SRGAP2C: variants seen among roughly 807,000 people sequenced by gnomAD.
The protein encoded by SRGAP2C is SLIT-ROBO Rho GTPase-activating protein 2C.
Under a neutral mutation model 25.1 loss-of-function variants are expected in SRGAP2C, and 15 were observed. The ratio of observed to expected loss-of-function variants is 0.60; its 90% confidence interval spans 0.40 to 0.92. The LOEUF (loss-of-function observed/expected upper bound fraction) is 0.92. Ranked by LOEUF, SRGAP2C falls within the 40% of genes least tolerant of loss-of-function variation. SRGAP2C has a pLI of 0.00. For missense variants in SRGAP2C, 144 were observed against 264.4 expected, an observed-to-expected ratio of 0.54 and a Z score of 3.16; for synonymous variants, 44 against 96.6, an observed-to-expected ratio of 0.46 and a Z score of 3.19.
chr1:121,339,252 C>CT (rs1185472819), intron 4 of SRGAP2C, among the ~76,000 whole-genome samples: 17,966 of 89,594 alleles, frequency 0.2, 2,253 homozygotes, highest in Non-Finnish European at 0.27. Flanking sequence ...GCTATGTTGT[C>CT]TTTTTTTTTT....
At chr1:121,341,407 A>AT in intron 4 of SRGAP2C, among the ~76,000 whole-genome samples, 1 of 103,400 alleles carries the variant, frequency 9.7e-6, no homozygotes, top group South Asian at 3.1e-4. Context: ...AATATATAAT[A>AT]TATCAGATGA....
chr1:121,260,441 G>A (rs1656600282), intron 2 of SRGAP2C, among the ~76,000 whole-genome samples: 1 of 151,918 alleles, frequency 6.6e-6, no homozygotes, highest in Non-Finnish European at 1.5e-5. Context: ...AGGAGATGAG[G>A]TCAGAGAGGA....
intron 2 of SRGAP2C, among the ~76,000 whole-genome samples, chr1:121,190,219 G>A (rs1361766201): frequency 2.6e-5 from 4 of 151,064 alleles, no homozygotes; most frequent in Admixed American, 2.6e-4. Context: ...GTGTTATATG[G>A]GACTCATGGT....
rs1236955428 is a variant in SRGAP2C, at chr1:121,364,324, C to CT, written c.424-961dup. Among the ~76,000 whole-genome samples, 231 of 132,812 alleles carry CT rather than the reference C, an allele frequency of 1.7e-3. 1 individual carries two copies. Among genetic ancestry groups the CT allele is most frequent in the African/African-American group, 4.9e-3 (173 of 35,318 alleles). 87.1% of individuals were successfully genotyped at this position (132,812 alleles called of 152,430 possible). ...CCTTTCTTTCCTTTTCTTTTCTTTT[C>CT]TTTTTTTTGAGACAGAGTCTCACTC... On this transcript the variant is annotated intron_variant, in intron 4 of 9. Transcript: ENST00000367123.
At chr1:121,222,347 G>C (rs1655550513) in intron 2 of SRGAP2C, among the ~76,000 whole-genome samples, 1 of 152,088 alleles carries the variant, frequency 6.6e-6, no homozygotes, top group South Asian at 2.1e-4. Context: ...AAATGGGTTT[G>C]GGTTGGCGCT....
At chr1:121,359,761 C>A (rs1360540782) in intron 4 of SRGAP2C, among the ~76,000 whole-genome samples, 2 of 151,914 alleles carry the variant, frequency 1.3e-5, no homozygotes, top group Non-Finnish European at 2.9e-5. Flanking sequence ...GGCAATAGAG[C>A]AAGACCTTGT....
intron 3 of SRGAP2C, among the ~76,000 whole-genome samples, chr1:121,292,894 TG>T (rs1657518692): frequency 1.3e-5 from 1 of 77,816 alleles, no homozygotes; most frequent in African/African-American, 6.2e-5. Flanking sequence ...GGGGAAATAT[TG>T]GGGGACAATC....
chr1:121,378,552 TCTTTCTTTTTCTTG>T (rs1173450908), intron 7 of SRGAP2C, among the ~76,000 whole-genome samples: 5 of 150,296 alleles, frequency 3.3e-5, no homozygotes, highest in Admixed American at 1.3e-4. Context: ...ATCGGTAGTG[TCTTTCTTTTTCTTG>T]CTGACCTATG....
intron 2 of SRGAP2C, among the ~76,000 whole-genome samples, chr1:121,202,305 G>C (rs1339793790): frequency 6.6e-6 from 1 of 152,126 alleles, no homozygotes; most frequent in African/African-American, 2.4e-5. Flanking sequence ...AGCTACTGGA[G>C]TCTTCTTCTT....
chr1:121,355,305 C>CTTTTT (rs1203362201), intron 4 of SRGAP2C, among the ~76,000 whole-genome samples: 5 of 37,314 alleles, frequency 1.3e-4, no homozygotes, highest in Admixed American at 5.6e-4. Context: ...GATACACATT[C>CTTTTT]TTTTTTTTTT....
At chr1:121,188,175 T>C (rs880002138) in intron 2 of SRGAP2C, among the ~76,000 whole-genome samples, 1 of 152,232 alleles carries the variant, frequency 6.6e-6, no homozygotes, top group Non-Finnish European at 1.5e-5. Flanking sequence ...TTAGGGTAGC[T>C]GGTTGGTGCT....
At chr1:121,368,635 G>T (rs1258987884) in intron 5 of SRGAP2C, among the ~76,000 whole-genome samples, 1 of 150,576 alleles carries the variant, frequency 6.6e-6, no homozygotes, top group African/African-American at 2.5e-5. Context: ...GGTTTTATCA[G>T]GTGGGAAGCT....
chr1:121,218,683 G>T (rs1334365787), intron 2 of SRGAP2C, among the ~76,000 whole-genome samples: 5 of 150,728 alleles, frequency 3.3e-5, no homozygotes, highest in Non-Finnish European at 5.9e-5. Flanking sequence ...GGAGGCGAAG[G>T]TTGCAGTGAG....
intron 2 of SRGAP2C, among the ~76,000 whole-genome samples, chr1:121,271,655 G>A (rs1252072485): frequency 1.0e-5 from 1 of 97,380 alleles, no homozygotes; most frequent in Non-Finnish European, 2.0e-5. Flanking sequence ...GCCACAACCA[G>A]CATTTAAAAA....
At chr1:121,323,924 T>C (rs1658265477) in intron 3 of SRGAP2C, among the ~76,000 whole-genome samples, 1 of 152,132 alleles carries the variant, frequency 6.6e-6, no homozygotes, top group Non-Finnish European at 1.5e-5. Flanking sequence ...ACAAAATCTC[T>C]AACTTTGGTT....
intron 2 of SRGAP2C, among the ~76,000 whole-genome samples, chr1:121,273,699 C>T (rs1334532911): frequency 6.6e-6 from 1 of 151,776 alleles, no homozygotes; most frequent in Admixed American, 6.6e-5. Context: ...CTGAACAGTC[C>T]ACTGGGGCAA....
chr1:121,295,714 TAGAG>T (rs1286893295), intron 3 of SRGAP2C, among the ~76,000 whole-genome samples: 4 of 151,898 alleles, frequency 2.6e-5, no homozygotes, highest in East Asian at 1.9e-4. Context: ...TTAAAAGAAA[TAGAG>T]AGGGGCTTTT....
chr1:121,199,558 A>T lies in SRGAP2C; in HGVS notation c.67+12045A>T, dbSNP rs1654924610. Among the ~76,000 whole-genome samples, 3 of 78,020 alleles carry T rather than the reference A, an allele frequency of 3.8e-5. 1 individual carries two copies. Among genetic ancestry groups the T allele is most frequent in the Non-Finnish European group, 7.6e-5 (3 of 39,662 alleles). 51.2% of individuals were successfully genotyped at this position (78,020 alleles called of 152,430 possible). On this transcript the variant is annotated intron_variant, in intron 2 of 9. Coordinates refer to ENST00000367123, the MANE Select transcript of SRGAP2C (RefSeq NM_001329984.2). ...GTAATCCCAGCACTTTGGGAGGCCGAGGCAGGCAGATCACCTAAGGTCAGG... is the reference window on the plus strand; with the variant it reads ...GTAATCCCAGCACTTTGGGAGGCCGTGGCAGGCAGATCACCTAAGGTCAGG...
intron 3 of SRGAP2C, among the ~76,000 whole-genome samples, chr1:121,309,429 T>TA (rs1657929663): frequency 7.3e-6 from 1 of 136,616 alleles, no homozygotes; most frequent in Non-Finnish European, 1.6e-5. Context: ...TCATTCCTTT[T>TA]TTTTTTTTAA....
Sources: allele counts gnomAD v4.1 joint callset (sites outside exome capture counted in the v4.1 genomes callset), GRCh38; gene constraint gnomAD v4.1.1; transcripts MANE v1.5; gene names NCBI Gene and HGNC (gene_info 2026-07-23, HGNC 2026-07-21).